NCOR2: variants seen among roughly 807,000 people sequenced by gnomAD.
The protein encoded by NCOR2 is CTG repeat protein 26.
Under a neutral mutation model 262.9 loss-of-function variants are expected in NCOR2, and 81 were observed. The observed-to-expected ratio is 0.31, with a 90% CI of 0.26 to 0.37. NCOR2 has a LOEUF of 0.37. Ranked by LOEUF, NCOR2 falls within the 10% of genes least tolerant of loss-of-function variation. The pLI, the probability that NCOR2 is intolerant of heterozygous loss-of-function variation, is 1.00. For synonymous variants in NCOR2, 1,659 were observed against 1,559.3 expected, an observed-to-expected ratio of 1.06 and a Z score of -1.51; for missense variants, 3,385 against 3,621.4, an observed-to-expected ratio of 0.93 and a Z score of 1.68.
At chr12:124,556,587 T>C (rs1385268712) in intron 1 of NCOR2, among the ~76,000 whole-genome samples, 4 of 151,988 alleles carry the variant, frequency 2.6e-5, no homozygotes, top group African/African-American at 9.7e-5. Flanking sequence ...AGGCCAGGCG[T>C]GGTGGCTCAC....
intron 1 of NCOR2, among the ~76,000 whole-genome samples, chr12:124,558,873 G>C (rs701027): frequency 0.46 from 70,323 of 151,972 alleles, 17,249 homozygotes; most frequent in African/African-American, 0.63. Context: ...CACCGCCAGG[G>C]AAACTGAGGA....
At chr12:124,375,716 A>G (rs2039939810) in intron 18 of NCOR2, among the ~76,000 whole-genome samples, 1 of 152,196 alleles carries the variant, frequency 6.6e-6, no homozygotes, top group African/African-American at 2.4e-5. Flanking sequence ...TAACCCCGCT[A>G]TGCCTCAGTC....
intron 4 of NCOR2, among the ~76,000 whole-genome samples, chr12:124,469,153 A>G (rs2046700731): frequency 1.3e-5 from 2 of 152,038 alleles, no homozygotes; most frequent in South Asian, 2.1e-4. Context: ...TGGAAGGCCA[A>G]TGCCCCATTC....
chr12:124,503,578 G>A lies in NCOR2; in HGVS notation c.-117-8210C>T, dbSNP rs894406919. 6.8e-6 allele frequency among the ~76,000 whole-genome samples: 1 copy of A among 147,570 alleles called. No individual in the cohort carries two copies. Among genetic ancestry groups the A allele is most frequent in the African/African-American group, 2.5e-5 (1 of 39,400 alleles). On this transcript the variant is annotated intron_variant, in intron 1 of 46. Transcript: ENST00000404621. The surrounding 1 kb of genome is among the most constrained non-coding windows in gnomAD (Gnocchi z 4.3). ...ATGGATGGATGGATAGATGGAAGACGGACGGATGGACGGATGGATGGATGG... is the reference window on the plus strand; with the variant it reads ...ATGGATGGATGGATAGATGGAAGACAGACGGATGGACGGATGGATGGATGG...
chr12:124,390,732 C>T (rs536108264), intron 16 of NCOR2, among the ~76,000 whole-genome samples: 17 of 152,356 alleles, frequency 1.1e-4, no homozygotes, highest in African/African-American at 3.8e-4. Flanking sequence ...TCCAGGCACA[C>T]GCCCCCAACA....
At chr12:124,565,093 G>A (rs747904680) in intron 1 of NCOR2, among the ~76,000 whole-genome samples, 25 of 152,196 alleles carry the variant, frequency 1.6e-4, no homozygotes, top group African/African-American at 2.7e-4. Context: ...CTCTCCGAGA[G>A]GGGGAGGGGG....
Position 124,372,012 on chromosome 12 carries a change from G to T in NCOR2, c.2807+10C>A. ...AAAGCCAAGGTTAGGGCTGCCTGGC[G>T]CCCACTCACCGGTTCTTGTCGCCGC... On this transcript the variant is annotated intron_variant, in intron 20 of 46. Coordinates refer to ENST00000405201, the Ensembl canonical transcript of NCOR2. 6.3e-7 allele frequency: 1 copy of T among 1,575,486 alleles called. No individual in the cohort carries two copies. The highest frequency in any genetic ancestry group is 2.3e-5 in the East Asian group (1 of 44,300).
chr12:124,377,658 G>A (rs2040108689), intron 18 of NCOR2, among the ~76,000 whole-genome samples: 1 of 151,902 alleles, frequency 6.6e-6, no homozygotes, highest in Admixed American at 6.6e-5. Context: ...GACCAACATG[G>A]CGAAACCCCA....
intron 8 of NCOR2, among the ~76,000 whole-genome samples, chr12:124,435,943 G>A (rs994060901): frequency 3.3e-5 from 5 of 152,200 alleles, no homozygotes; most frequent in South Asian, 2.1e-4. Flanking sequence ...CGCCCACCTC[G>A]CAGGACTAAA....
intron 41 of NCOR2, among the ~76,000 whole-genome samples, chr12:124,333,724 C>T (rs1464009827): frequency 2.6e-5 from 4 of 152,072 alleles, no homozygotes; most frequent in Admixed American, 2.6e-4. Context: ...CTCTCTTTCT[C>T]TTTTGACCCC....
intron 22 of NCOR2, among the ~76,000 whole-genome samples, chr12:124,359,256 C>T (rs1004799117): frequency 1.3e-5 from 2 of 152,216 alleles, no homozygotes; most frequent in African/African-American, 4.8e-5. Context: ...TGACGGAGCC[C>T]TCTGGGTTCT....
chr12:124,350,780 G>A (rs1188695522), intron 27 of NCOR2, 43 bp from the exon 30 acceptor site: 1 of 1,577,434 alleles, frequency 6.3e-7, no homozygotes, highest in Non-Finnish European at 8.6e-7. Context: ...CTGCAGCCCA[G>A]GACCCCTCTC....
intron 13 of NCOR2, among the ~76,000 whole-genome samples, chr12:124,413,406 A>G (rs1488189480): frequency 6.6e-6 from 1 of 152,214 alleles, no homozygotes; most frequent in Non-Finnish European, 1.5e-5. Context: ...CCTGGCATAC[A>G]GTAGGCACTG....
At chr12:124,505,791 C>T (rs950094158) in intron 1 of NCOR2, among the ~76,000 whole-genome samples, 3 of 152,120 alleles carry the variant, frequency 2.0e-5, no homozygotes, top group African/African-American at 7.2e-5. Flanking sequence ...GAGGTGATGG[C>T]GATGATGTTA....
chr12:124,452,466 C>T (rs145316623), intron 6 of NCOR2, among the ~76,000 whole-genome samples: 21 of 152,376 alleles, frequency 1.4e-4, no homozygotes, highest in East Asian at 1.9e-4. Flanking sequence ...ACTCCAGCCT[C>T]GGTTTCCTCA....
At chr12:124,534,011 A>G (rs756512735) in intron 1 of NCOR2, among the ~76,000 whole-genome samples, 22 of 151,460 alleles carry the variant, frequency 1.5e-4, no homozygotes, top group Non-Finnish European at 2.5e-4. Flanking sequence ...TCTTCTTCCA[A>G]TGTGGCCCAG....
In NCOR2 at chr12:124,483,713, T is replaced by C. The variant is rs760189071; in HGVS notation, c.294A>G (p.Ser98=). 3.7e-6 allele frequency: 6 copies of C among 1,611,710 alleles called. No homozygotes were observed. The Admixed American group carries it at 6.7e-5, about 18-fold the overall frequency. The change falls in exon 3 of 47, where the codon TCA becomes TCG. Residue 98 remains serine (S), a synonymous_variant. Coordinates refer to ENST00000405201, the Ensembl canonical transcript of NCOR2. This position sits in a 1 kb window ranked among gnomAD's most constrained non-coding sequence, Gnocchi z 6.3. ...GCTTGCTTTCAATGAACTCCATCTC[T>C]GACTTCCCCAGCTCGGGCAGGTATG...
chr12:124,470,331 G>A (rs1014574426), intron 4 of NCOR2, among the ~76,000 whole-genome samples: 3 of 152,138 alleles, frequency 2.0e-5, no homozygotes, highest in Non-Finnish European at 2.9e-5. Context: ...TGTACGACAC[G>A]ACCCAGCAAT....
At chr12:124,433,488 G>A (rs536194728) in intron 8 of NCOR2, among the ~76,000 whole-genome samples, 1 of 152,332 alleles carries the variant, frequency 6.6e-6, no homozygotes, top group Admixed American at 6.5e-5. Flanking sequence ...CTGGCAAGAC[G>A]GCCCGGCTCT....
Sources: allele counts gnomAD v4.1 joint callset (sites outside exome capture counted in the v4.1 genomes callset), GRCh38; gene constraint gnomAD v4.1.1; non-coding constraint Gnocchi (gnomAD v3.1); transcripts MANE v1.5; gene names NCBI Gene and HGNC (gene_info 2026-07-23, HGNC 2026-07-21).